The following MTHFD1L variants were observed in gnomAD, a reference collection of about 807,000 sequenced individuals.
The protein encoded by MTHFD1L is monofunctional C1-tetrahydrofolate synthase, mitochondrial.
A neutral mutation model predicts 119.5 loss-of-function variants in MTHFD1L; 81 were observed. That is an observed-to-expected ratio of 0.68 (90% confidence interval 0.57 to 0.82). MTHFD1L has a LOEUF of 0.82. Ranked by LOEUF, MTHFD1L falls within the 40% of genes least tolerant of loss-of-function variation. The pLI is 0.00. For synonymous variants in MTHFD1L, 430 were observed against 475.2 expected, an observed-to-expected ratio of 0.90 and a Z score of 1.24; for missense variants, 1,125 against 1,253.4, an observed-to-expected ratio of 0.90 and a Z score of 1.55.
intron 20 of MTHFD1L, among the ~76,000 whole-genome samples, chr6:151,009,110 G>A (rs1290883143): frequency 8.2e-5 from 9 of 110,378 alleles, no homozygotes; most frequent in Non-Finnish European, 1.4e-4. Flanking sequence ...GGACAAGAGC[G>A]AAACTCCATC....
intron 5 of MTHFD1L, among the ~76,000 whole-genome samples, chr6:150,883,423 C>T (rs771874638): frequency 2.0e-5 from 3 of 152,174 alleles, no homozygotes; most frequent in African/African-American, 7.2e-5. Flanking sequence ...TATGATCTTA[C>T]ACCATCAGAT....
chr6:151,007,000 C>T (rs1233145046), intron 20 of MTHFD1L, among the ~76,000 whole-genome samples: 1 of 152,144 alleles, frequency 6.6e-6, no homozygotes, highest in Non-Finnish European at 1.5e-5. Flanking sequence ...CTAATCAGGC[C>T]AGTGAACCAG....
At chr6:151,027,972 G>A (rs1056100874) in intron 24 of MTHFD1L, among the ~76,000 whole-genome samples, 1 of 152,106 alleles carries the variant, frequency 6.6e-6, no homozygotes, top group African/African-American at 2.4e-5. Flanking sequence ...TCATACCTGT[G>A]GAAGCCACCA....
rs141962803 is a variant in MTHFD1L at position 150,937,344 on chromosome 6, G to A, written c.1393+404G>A. ...TCATTGGAGTTGCTGTGTGGGGCCC[G>A]CAGAGCTCTCTGGAGACGGACTGGC... On this transcript the variant is annotated intron_variant, in intron 12 of 27. Coordinates refer to ENST00000367321, the MANE Select transcript of MTHFD1L (RefSeq NM_015440.5). Among the ~76,000 whole-genome samples the A allele has an allele frequency of 9.0e-3, 1,370 of 152,266 alleles. 11 individuals carry two copies. The highest frequency in any genetic ancestry group is 0.011 in the Non-Finnish European group (722 of 68,016).
intron 19 of MTHFD1L, among the ~76,000 whole-genome samples, chr6:150,966,560 A>C (rs1738573): frequency 0.47 from 71,927 of 152,032 alleles, 17,941 homozygotes; most frequent in South Asian, 0.59. Context: ...CGGTGGCTCA[A>C]GCCTGTAATC....
chr6:150,988,139 C>T (rs1778561477), intron 20 of MTHFD1L, among the ~76,000 whole-genome samples: 1 of 152,112 alleles, frequency 6.6e-6, no homozygotes, highest in Non-Finnish European at 1.5e-5. Flanking sequence ...CATTGTCATG[C>T]AGAGATTAGT....
chr6:150,967,989 TC>T (rs148926655), intron 19 of MTHFD1L, among the ~76,000 whole-genome samples: 2,009 of 152,144 alleles, frequency 0.013, 21 homozygotes, highest in South Asian at 0.036. Flanking sequence ...TCCCTTATCC[TC>T]ATCTCTCATC....
At chr6:150,960,700 G>A (rs1796307876) in intron 18 of MTHFD1L, among the ~76,000 whole-genome samples, 1 of 152,028 alleles carries the variant, frequency 6.6e-6, no homozygotes, top group African/African-American at 2.4e-5. Context: ...TGCCTGGGCT[G>A]GGGAGGAGTC....
Position 150,926,166 on chromosome 6 carries a change from T to A in MTHFD1L, c.1127T>A (p.Val376Asp). The change falls in exon 11 of 28, where the codon GTC becomes GAC. Residue 376 changes from valine to aspartate, a missense_variant. Transcript: ENST00000367321. The surrounding 1 kb of genome is among the most constrained non-coding windows in gnomAD (Gnocchi z 4.3). ...GGACAAACTCCAAAAGCTGTGGATG[T>A]CCTTGCCAAGGAGATTGGATTGCTT... ...SRGQTPKAVD[V>D]LAKEIGLLAD... The A allele has an allele frequency of 6.2e-7, 1 of 1,614,104 alleles. No homozygotes were observed. Among genetic ancestry groups the A allele is most frequent in the Non-Finnish European group, 8.5e-7 (1 of 1,179,986 alleles).
At chr6:150,883,904 G>A (rs1781778623) in intron 5 of MTHFD1L, among the ~76,000 whole-genome samples, 1 of 152,112 alleles carries the variant, frequency 6.6e-6, no homozygotes, top group African/African-American at 2.4e-5. Context: ...CCCTGCAGGG[G>A]CTGGATGGGG....
At chr6:150,899,096 C>T (rs1157205820) in intron 7 of MTHFD1L, 1 of 582,198 alleles carries the variant, frequency 1.7e-6, no homozygotes, top group Non-Finnish European at 2.2e-6. Flanking sequence ...TTGGACACAA[C>T]TAAATATCTT....
In MTHFD1L at chr6:150,865,927, C is replaced by CGGCGGA; in HGVS notation, c.111_116dup (p.Gly41_Gly42dup). ...TGCCCTGTCGCGCTAGCAGCGGCGG[C>CGGCGGA]GGCGGAGGCGGCGGCGGTGGCCGGG... On this transcript the variant is annotated inframe_insertion, in exon 1 of 28. Transcript: ENST00000367321. 1 of 1,200,064 alleles carries CGGCGGA rather than the reference C, an allele frequency of 8.3e-7. No individual in the cohort carries two copies. Among genetic ancestry groups the CGGCGGA allele is most frequent in the Non-Finnish European group, 1.0e-6 (1 of 971,244 alleles). 74.3% of individuals were successfully genotyped at this position (1,200,064 alleles called of 1,614,324 possible). A position where few individuals can be genotyped will look rare whatever the true frequency, so the allele number is the denominator to read the frequency against.
chr6:150,895,618 T>TTG (rs1784089166), intron 7 of MTHFD1L, among the ~76,000 whole-genome samples: 2 of 151,128 alleles, frequency 1.3e-5, no homozygotes, highest in South Asian at 4.2e-4. Flanking sequence ...TTGTGGTTTT[T>TTG]TTTTTTTTTT....
chr6:151,065,654 C>A (rs899782765), intron 26 of MTHFD1L, among the ~76,000 whole-genome samples: 3 of 152,252 alleles, frequency 2.0e-5, no homozygotes, highest in East Asian at 1.9e-4. Flanking sequence ...TTCTCTCCCA[C>A]CATCTGCACA....
At chr6:150,999,001 T>A (rs577078632) in intron 20 of MTHFD1L, among the ~76,000 whole-genome samples, 2,107 of 110,164 alleles carry the variant, frequency 0.019, 29 homozygotes, top group South Asian at 0.048. Context: ...AAAAAATATA[T>A]ATACATATAT....
At chr6:151,005,904 GA>G (rs1420325396) in intron 20 of MTHFD1L, among the ~76,000 whole-genome samples, 3 of 151,872 alleles carry the variant, frequency 2.0e-5, no homozygotes, top group African/African-American at 7.3e-5. Flanking sequence ...AGTATTGTAA[GA>G]AAAAAAGGGA....
intron 19 of MTHFD1L, among the ~76,000 whole-genome samples, chr6:150,967,363 C>G (rs559675861): frequency 1.4e-3 from 218 of 152,288 alleles, no homozygotes; most frequent in Non-Finnish European, 1.8e-3. Context: ...CAGGCCTGCT[C>G]GCTGCTCCTC....
intron 24 of MTHFD1L, among the ~76,000 whole-genome samples, chr6:151,032,399 C>G (rs1318944919): frequency 6.6e-6 from 1 of 152,086 alleles, no homozygotes; most frequent in Non-Finnish European, 1.5e-5. Context: ...TGCCAACAAG[C>G]AGACCTCCTG....
intron 8 of MTHFD1L, among the ~76,000 whole-genome samples, chr6:150,909,376 C>A (rs111757175): frequency 5.3e-5 from 8 of 152,050 alleles, no homozygotes; most frequent in African/African-American, 1.9e-4. Flanking sequence ...TCCTGGGCTC[C>A]AGCAATCCTC....
Sources: allele counts gnomAD v4.1 joint callset (sites outside exome capture counted in the v4.1 genomes callset), GRCh38; gene constraint gnomAD v4.1.1; non-coding constraint Gnocchi (gnomAD v3.1); transcripts MANE v1.5; gene names NCBI Gene and HGNC (gene_info 2026-07-23, HGNC 2026-07-21).